The following PRR5 variants were observed in gnomAD, a reference collection of about 807,000 sequenced individuals.
PRR5 encodes proline-rich protein 5.
A neutral mutation model predicts 30.6 loss-of-function variants in PRR5; 25 were observed. The ratio of observed to expected loss-of-function variants is 0.82; its 90% CI spans 0.60 to 1.14. PRR5 has a LOEUF of 1.14. Among genes scored for constraint, PRR5 ranks in the 50% most tolerant of loss-of-function variants. PRR5 has a pLI of 0.00. For missense variants in PRR5, 600 were observed against 547.1 expected, an observed-to-expected ratio of 1.10 and a Z score of -0.96; for synonymous variants, 286 against 247.1, an observed-to-expected ratio of 1.16 and a Z score of -1.48.
intron 7 of PRR5, among the ~76,000 whole-genome samples, chr22:44,736,345 T>C: frequency 6.6e-6 from 1 of 152,212 alleles, no homozygotes; most frequent in Non-Finnish European, 1.5e-5. Flanking sequence ...CTCTTTGGGC[T>C]TCTTGGCCCT....
At position 44,677,482 on chromosome 22, in the gene PRR5, C is replaced by T. The variant is rs560696235; in HGVS notation, c.-11+242C>T. On this transcript the variant is annotated intron_variant, in intron 1 of 8. Transcript: ENST00000006251. ...TGCTGTGACTTTGGGTTTGTGCTTTCGATTTTTAGAGTAGCAGCAATAACA... is the reference window on the plus strand; with the variant it reads ...TGCTGTGACTTTGGGTTTGTGCTTTTGATTTTTAGAGTAGCAGCAATAACA... 5.9e-5 allele frequency among the ~76,000 whole-genome samples: 9 copies of T among 152,348 alleles called. No individual in the cohort carries two copies. In the South Asian group the frequency reaches 1.0e-3, roughly 18 times the overall value.
At chr22:44,714,875 A>G (rs1928820933) in intron 2 of PRR5, among the ~76,000 whole-genome samples, 2 of 152,338 alleles carry the variant, frequency 1.3e-5, no homozygotes, top group Middle Eastern at 3.4e-3. Context: ...CATGTGGGCC[A>G]TGACCTCCAT....
chr22:44,705,647 C>T (rs369194222), intron 1 of PRR5, among the ~76,000 whole-genome samples: 13 of 150,250 alleles, frequency 8.7e-5, no homozygotes, highest in South Asian at 2.1e-4. Context: ...TCTTTTGAGA[C>T]GGAATCTTGC....
In PRR5 at chr22:44,706,055, C is replaced by T. The variant is rs554201080; in HGVS notation, c.134+3447C>T. 9.2e-5 allele frequency among the ~76,000 whole-genome samples: 14 copies of T among 152,282 alleles called. No individual in the cohort carries two copies. In the South Asian group the frequency reaches 2.5e-3, roughly 27 times the overall value. ...CCTCTGGTGATCCGCCTGCCTCAGC[C>T]TCCGGAAGTGCTGGGATTACAGGCA... On this transcript the variant is annotated intron_variant, in intron 1 of 7. Transcript: ENST00000336985.
chr22:44,711,651 C>T (rs1928256469), intron 1 of PRR5, among the ~76,000 whole-genome samples: 1 of 152,160 alleles, frequency 6.6e-6, no homozygotes, highest in South Asian at 2.1e-4. Context: ...CTGCACTGTC[C>T]CCTCTGCCTG....
At chr22:44,728,202 C>G (rs1169210131) in intron 4 of PRR5, among the ~76,000 whole-genome samples, 1 of 152,248 alleles carries the variant, frequency 6.6e-6, no homozygotes, top group Non-Finnish European at 1.5e-5. Flanking sequence ...CCAGCCCTTC[C>G]TGGCCTCCCC....
chr22:44,702,135 G>C (rs1054364761), upstream of PRR5: 16 of 173,152 alleles, frequency 9.2e-5, no homozygotes, highest in South Asian at 2.0e-4. Flanking sequence ...CGATGCCCCC[G>C]CCCCCTTCCC....
chr22:44,698,445 A>G (rs2146989384), upstream of PRR5, among the ~76,000 whole-genome samples: 1 of 151,758 alleles, frequency 6.6e-6, no homozygotes. Flanking sequence ...GGGATGTGTG[A>G]CTGAGTCCCT....
At chr22:44,677,861 C>G (rs6007240) in intron 1 of PRR5, among the ~76,000 whole-genome samples, 7 of 152,346 alleles carry the variant, frequency 4.6e-5, no homozygotes, top group African/African-American at 1.7e-4. Flanking sequence ...TGTCCTTATT[C>G]TTTCTCACGG....
intron 4 of PRR5, chr22:44,729,845 GCCGGTGCCCAGAGCCACCCCCCGGCCAGC>G (rs1291506591): frequency 2.0e-6 from 2 of 985,480 alleles, no homozygotes; most frequent in Admixed American, 1.2e-4. Context: ...CGCAGGCCTG[GCCGGTGCCCAGAGCCACCCCCCGGCCAGC>G]CCGGGAACTG....
intron 3 of PRR5, among the ~76,000 whole-genome samples, chr22:44,725,766 G>A (rs908300908): frequency 6.6e-6 from 1 of 152,176 alleles, no homozygotes; most frequent in African/African-American, 2.4e-5. Flanking sequence ...CCGGGTTCAA[G>A]CGATTCCCCT....
chr22:44,721,449 A>G (rs1929918027), intron 2 of PRR5, among the ~76,000 whole-genome samples: 1 of 152,230 alleles, frequency 6.6e-6, no homozygotes, highest in African/African-American at 2.4e-5. Flanking sequence ...GTGACCCATC[A>G]GAAGCTGAAG....
At chr22:44,683,902 A>G (rs1411830754) in intron 1 of PRR5, among the ~76,000 whole-genome samples, 2 of 152,222 alleles carry the variant, frequency 1.3e-5, no homozygotes, top group Non-Finnish European at 2.9e-5. Flanking sequence ...GGGTTCATGG[A>G]TGGCTGAAGA....
At chr22:44,690,864 G>T (rs1193312983) in intron 1 of PRR5, among the ~76,000 whole-genome samples, 1 of 152,080 alleles carries the variant, frequency 6.6e-6, no homozygotes, top group Admixed American at 6.5e-5. Context: ...CGGGAGAGGG[G>T]CCTGGCAGGG....
intron 6 of PRR5, among the ~76,000 whole-genome samples, chr22:44,733,644 G>T (rs1922648521): frequency 6.6e-6 from 1 of 152,132 alleles, no homozygotes; most frequent in African/African-American, 2.4e-5. Context: ...ACAGAGGGAG[G>T]CCTCCTCCCT....
At chr22:44,718,769 G>A (rs956958347) in intron 2 of PRR5, among the ~76,000 whole-genome samples, 4 of 152,124 alleles carry the variant, frequency 2.6e-5, no homozygotes, top group Non-Finnish European at 4.4e-5. Flanking sequence ...ATCTTTTCAG[G>A]TGTTTATTGG....
intron 4 of PRR5, among the ~76,000 whole-genome samples, chr22:44,727,538 T>C (rs570546885): frequency 2.0e-5 from 3 of 152,314 alleles, no homozygotes; most frequent in African/African-American, 7.2e-5. Context: ...AAGCCACCGT[T>C]GTTAGCACTG....
intron 7 of PRR5, 52 bp downstream of exon 7, chr22:44,735,214 T>C (rs777384077): frequency 1.9e-6 from 3 of 1,561,296 alleles, no homozygotes; most frequent in South Asian, 2.3e-5. Flanking sequence ...ACGGGCCCCA[T>C]CCATTGTGAA....
intron 1 of PRR5, among the ~76,000 whole-genome samples, chr22:44,670,197 C>T (rs6007236): frequency 1.3e-5 from 2 of 152,160 alleles, no homozygotes; most frequent in Admixed American, 6.5e-5. Flanking sequence ...CCCATCCTGG[C>T]GTCTACAACT....
Sources: allele counts gnomAD v4.1 joint callset (sites outside exome capture counted in the v4.1 genomes callset), GRCh38; gene constraint gnomAD v4.1.1; transcripts MANE v1.5; gene names NCBI Gene and HGNC (gene_info 2026-07-23, HGNC 2026-07-21).